Variants in NCKAP5 observed in about 807,000 individuals in gnomAD.
NCKAP5 encodes NCK associated protein 5, also known as nck-associated protein 5.
Under a neutral mutation model 167.0 loss-of-function variants are expected in NCKAP5, and 92 were observed. The ratio of observed to expected loss-of-function variants is 0.55; its 90% CI spans 0.47 to 0.66. NCKAP5 has a LOEUF of 0.66. Among genes scored for constraint, NCKAP5 ranks in the 30% least tolerant of loss-of-function variants. The pLI is 0.00. For missense variants in NCKAP5, 2,378 were observed against 2,315.0 expected (o/e 1.03, Z -0.56); for synonymous variants, 891 against 877.4 (o/e 1.02, Z -0.27).
intron 6 of NCKAP5, among the ~76,000 whole-genome samples, chr2:133,027,157 C>G (rs923549643): frequency 1.3e-5 from 2 of 152,154 alleles, no homozygotes; most frequent in Non-Finnish European, 2.9e-5. Flanking sequence ...GACCTGGTAA[C>G]CATTAATATG....
chr2:133,223,753 G>A (rs889166087), intron 4 of NCKAP5, among the ~76,000 whole-genome samples: 20 of 152,156 alleles, frequency 1.3e-4, no homozygotes, highest in Admixed American at 5.2e-4. Flanking sequence ...AGTTTAGAGC[G>A]TGTTCTAAGT....
chr2:132,675,404 G>A (rs1684309319), intron 19 of NCKAP5, among the ~76,000 whole-genome samples: 1 of 152,166 alleles, frequency 6.6e-6, no homozygotes, highest in Non-Finnish European at 1.5e-5. Context: ...GACAGTAGTG[G>A]GTGTGCAATA....
chr2:133,419,545 C>T (rs1689338603), intron 3 of NCKAP5, among the ~76,000 whole-genome samples: 1 of 152,134 alleles, frequency 6.6e-6, no homozygotes, highest in African/African-American at 2.4e-5. Flanking sequence ...CCAATGTTTC[C>T]TTCCCTTTTT....
intron 4 of NCKAP5, among the ~76,000 whole-genome samples, chr2:133,290,728 C>T (rs1362606569): frequency 1.1e-4 from 10 of 89,368 alleles, no homozygotes; most frequent in Non-Finnish European, 1.9e-4. Context: ...AGAATTTCTC[C>T]TTTTTTTTTT....
At chr2:133,354,414 C>T (rs868761524) in intron 3 of NCKAP5, among the ~76,000 whole-genome samples, 10 of 152,144 alleles carry the variant, frequency 6.6e-5, no homozygotes, top group Admixed American at 1.3e-4. Context: ...CACCACCATG[C>T]CTGGCTCAGT....
the NCKAP5 span, among the ~76,000 whole-genome samples, chr2:133,671,214 CAAAAAAAAAA>C: frequency 1.4e-3 from 77 of 53,994 alleles, no homozygotes; most frequent in African/African-American, 4.7e-3. Flanking sequence ...GACTCCGTCT[CAAAAAAAAAA>C]AAAAAAAAAA....
chr2:133,034,157 A>G (rs890713147), intron 6 of NCKAP5, among the ~76,000 whole-genome samples: 5 of 152,186 alleles, frequency 3.3e-5, no homozygotes, highest in African/African-American at 1.2e-4. Flanking sequence ...TGAAGCTCTA[A>G]TATGTCTGGC....
rs1170793903 is a variant in NCKAP5, at chr2:132,906,323, G to T, written c.580-27407C>A. The stretch of plus-strand genomic sequence containing the variant: ...AATGAATTCCAATTTAACTAGATGT[G>T]GGACAAATTAGCTGTTAATGAAAGT... On this transcript the variant is annotated intron_variant, in intron 8 of 19. Transcript: ENST00000409261. Among the ~76,000 whole-genome samples, 3 of 152,112 alleles carry T rather than the reference G, an allele frequency of 2.0e-5. No individual in the cohort carries two copies. In the East Asian group the frequency reaches 5.8e-4, roughly 29 times the overall value.
intron 3 of NCKAP5, among the ~76,000 whole-genome samples, chr2:133,315,752 AC>A (rs1681561858): frequency 6.6e-6 from 1 of 152,212 alleles, no homozygotes; most frequent in Non-Finnish European, 1.5e-5. Context: ...CAAATTGGCC[AC>A]CAAATTGGCC....
At chr2:133,626,562 A>C in the NCKAP5 span, among the ~76,000 whole-genome samples, 1 of 152,118 alleles carries the variant, frequency 6.6e-6, no homozygotes, top group Non-Finnish European at 1.5e-5. Flanking sequence ...TCTCATTCAA[A>C]GTATAAAGAT....
chr2:133,420,039 A>C (rs963771142), intron 3 of NCKAP5, among the ~76,000 whole-genome samples: 2 of 152,214 alleles, frequency 1.3e-5, no homozygotes, highest in African/African-American at 4.8e-5. Context: ...TGCTGAGTAA[A>C]AGGGGGCCTC....
intron 3 of NCKAP5, among the ~76,000 whole-genome samples, chr2:133,483,737 T>C (rs1381479792): frequency 2.0e-5 from 3 of 152,202 alleles, no homozygotes; most frequent in South Asian, 2.1e-4. Context: ...TGAGATTTTC[T>C]AGAACAGTGG....
chr2:133,529,253 CCT>C (rs1685167486), intron 2 of NCKAP5, among the ~76,000 whole-genome samples: 1 of 151,780 alleles, frequency 6.6e-6, no homozygotes. Context: ...TTTTACTCTC[CCT>C]CTTTCTACTC....
intron 8 of NCKAP5, among the ~76,000 whole-genome samples, chr2:132,958,042 T>C (rs914758223): frequency 2.8e-4 from 43 of 152,304 alleles, no homozygotes; most frequent in African/African-American, 9.1e-4. Context: ...TGAAAATAAA[T>C]GTGTATGCCT....
chr2:133,428,538 A>G (rs1026741620), intron 3 of NCKAP5, among the ~76,000 whole-genome samples: 1 of 152,170 alleles, frequency 6.6e-6, no homozygotes, highest in Non-Finnish European at 1.5e-5. Context: ...GCATTGTGAA[A>G]CAATATATTA....
At chr2:132,907,847 G>T (rs1694124806) in intron 8 of NCKAP5, among the ~76,000 whole-genome samples, 1 of 151,468 alleles carries the variant, frequency 6.6e-6, no homozygotes, top group African/African-American at 2.4e-5. Context: ...TTAGTAGAGA[G>T]GGGGTTTCAC....
chr2:133,050,009 T>C lies in NCKAP5; in HGVS notation c.342-55770A>G, dbSNP rs539979129. Among the ~76,000 whole-genome samples, 24 of 152,348 alleles carry C rather than the reference T, an allele frequency of 1.6e-4. No individual in the cohort carries two copies. In the South Asian group the frequency reaches 3.3e-3, roughly 21 times the overall value. ...AGGCACAATAAGAAAAGTGAGATAA[T>C]ACATCCTTTTGAGTGGAAGGGAGGT... On this transcript the variant is annotated intron_variant, in intron 6 of 19. Transcript: ENST00000409261.
intron 6 of NCKAP5, among the ~76,000 whole-genome samples, chr2:133,069,669 C>T (rs2080321284): frequency 2.0e-5 from 3 of 152,052 alleles, no homozygotes; most frequent in African/African-American, 7.3e-5. Context: ...TCCTCCCTGG[C>T]CCCATTAGAT....
At chr2:133,603,070 T>G in the NCKAP5 span, among the ~76,000 whole-genome samples, 2 of 151,962 alleles carry the variant, frequency 1.3e-5, no homozygotes, top group Non-Finnish European at 2.9e-5. Flanking sequence ...TCACCGATGT[T>G]TATCGGATAG....
Sources: allele counts gnomAD v4.1 joint callset (sites outside exome capture counted in the v4.1 genomes callset), GRCh38; gene constraint gnomAD v4.1.1; transcripts MANE v1.5; gene names NCBI Gene and HGNC (gene_info 2026-07-23, HGNC 2026-07-21).